Variants in NME9 observed in about 807,000 individuals in gnomAD.
NME9 encodes NME/NM23 family member 9, also known as thioredoxin domain-containing protein 6.
Under a neutral mutation model 44.4 loss-of-function variants are expected in NME9, and 48 were observed. The observed-to-expected ratio is 1.08, with a 90% confidence interval of 0.86 to 1.37. The LOEUF (loss-of-function observed/expected upper bound fraction) is 1.37. Ranked by LOEUF, NME9 falls within the 40% of genes most tolerant of loss-of-function variation. The probability of loss-of-function intolerance (pLI) is 0.00; values close to 1 mark genes in which losing one functional copy is unlikely to be tolerated. For synonymous variants in NME9, 139 were observed against 147.1 expected (o/e 0.94, Z 0.40); for missense variants, 325 against 405.2 (o/e 0.80, Z 1.70).
At chr3:138,315,289 C>T (rs1044401145) in intron 5 of NME9, among the ~76,000 whole-genome samples, 19 of 151,900 alleles carry the variant, frequency 1.3e-4, no homozygotes, top group African/African-American at 2.7e-4. Context: ...AGGTGGGAGA[C>T]GAAAGGGAAA....
chr3:138,269,073 A>C (rs1052274477), intron 8 of NME9, among the ~76,000 whole-genome samples: 3 of 152,230 alleles, frequency 2.0e-5, no homozygotes, highest in Non-Finnish European at 4.4e-5. Context: ...TTAGGTACAT[A>C]GTACGAGAGA....
chr3:138,273,775 GTC>G, intron 8 of NME9, among the ~76,000 whole-genome samples: 1 of 151,452 alleles, frequency 6.6e-6, no homozygotes, highest in Middle Eastern at 3.4e-3. Flanking sequence ...TGTTTTCCAT[GTC>G]TCTGGCTTCC....
chr3:138,263,363 T>G, intron 8 of NME9: 1 of 208,162 alleles, frequency 4.8e-6, no homozygotes. Flanking sequence ...GCATGGACTG[T>G]GATTTCTTTA....
rs2053987797 is a variant in NME9 at position 138,329,382 on chromosome 3, T to TC, written c.-48dup. ...CCCTGTTACCGCGGCCGTGGGCCGT[T>TC]CCCCCGCAGCCTCGCGACAAACCGC... On this transcript the variant is annotated 5_prime_UTR_variant, in exon 1 of 11. Coordinates refer to ENST00000333911, the MANE Select transcript of NME9 (RefSeq NM_001349018.2). 6.5e-7 allele frequency: 1 copy of TC among 1,535,404 alleles called. No individual in the cohort carries two copies. Among genetic ancestry groups the TC allele is most frequent in the African/African-American group, 1.4e-5 (1 of 72,994 alleles).
Position 138,329,608 on chromosome 3 carries a change from C to T in NME9, c.-273G>A, listed in dbSNP as rs2054000528. ...GGGGATCTGCGAAGCCCCCTCCCCA[C>T]CCCGGAGCCGGCCAGGGGGCGCGCG... On this transcript the variant is annotated 5_prime_UTR_variant, in exon 1 of 11. In the 5' UTR this introduces an upstream ATG that the reference lacks. Transcript: ENST00000333911. 59 of 1,310,722 alleles carry T rather than the reference C, an allele frequency of 4.5e-5. No homozygotes were observed. The highest frequency in any genetic ancestry group is 5.4e-5 in the Non-Finnish European group (56 of 1,031,712). 81.2% of individuals were successfully genotyped at this position (1,310,722 alleles called of 1,614,324 possible).
chr3:138,271,391 C>T (rs184230982), intron 8 of NME9, among the ~76,000 whole-genome samples: 1 of 152,282 alleles, frequency 6.6e-6, no homozygotes, highest in Admixed American at 6.5e-5. Context: ...GTTTCAACTT[C>T]CCCTAATAGG....
chr3:138,307,499 C>T (rs2052360403), intron 6 of NME9, among the ~76,000 whole-genome samples: 3 of 152,192 alleles, frequency 2.0e-5, no homozygotes, highest in African/African-American at 7.2e-5. Context: ...TTAACGAGGG[C>T]TTCTACTCTG....
chr3:138,275,210 G>C (rs757065273), intron 8 of NME9, among the ~76,000 whole-genome samples: 1 of 152,158 alleles, frequency 6.6e-6, no homozygotes, highest in Non-Finnish European at 1.5e-5. Context: ...AGATACTGGC[G>C]ATCTTCAGTT....
At position 138,304,759 on chromosome 3, in the gene NME9, C is replaced by T. The variant is rs539437404; in HGVS notation, c.791+114G>A. 3.3e-5 allele frequency: 33 copies of T among 1,006,802 alleles called. No homozygotes were observed. The East Asian group carries it at 7.2e-4, about 22-fold the overall frequency. 62.4% of individuals were successfully genotyped at this position (1,006,802 alleles called of 1,614,324 possible). On this transcript the variant is annotated intron_variant, in intron 9 of 10. Coordinates refer to ENST00000333911, the MANE Select transcript of NME9 (RefSeq NM_001349018.2). ...CCCAAATATATAATAGAGAGCCTGG[C>T]CATCAGAGAGTCCTCTGTGTTACCC...
At chr3:138,323,412 A>C (rs1242371335) in intron 2 of NME9, among the ~76,000 whole-genome samples, 1 of 152,022 alleles carries the variant, frequency 6.6e-6, no homozygotes, top group African/African-American at 2.4e-5. Context: ...TCTCAAAAAA[A>C]AGAAGAAGAA....
At chr3:138,262,068 T>C (rs1199923527) in exon 9 of NME9, 1 of 153,198 alleles carries the variant, frequency 6.5e-6, no homozygotes, top group East Asian at 1.9e-4. Context: ...GTTTGGTGGT[T>C]TTTCTAGAGC....
At chr3:138,318,288 A>T in intron 3 of NME9, 69 bp from the exon 4 acceptor site, 1 of 1,014,726 alleles carries the variant, frequency 9.9e-7, no homozygotes, top group Middle Eastern at 2.0e-4. Context: ...TTGGTGGGAA[A>T]CCACACAGGG....
intron 8 of NME9, among the ~76,000 whole-genome samples, chr3:138,267,506 A>G (rs1241846030): frequency 6.6e-6 from 1 of 152,238 alleles, no homozygotes; most frequent in African/African-American, 2.4e-5. Context: ...ACTGCCTGAA[A>G]CTGTGAATGT....
chr3:138,321,201 A>G (rs2053442447), intron 2 of NME9, among the ~76,000 whole-genome samples: 1 of 152,258 alleles, frequency 6.6e-6, no homozygotes, highest in African/African-American at 2.4e-5. Context: ...AGTATAGCTT[A>G]GTCCATTTAT....
intron 8 of NME9, among the ~76,000 whole-genome samples, chr3:138,266,965 C>T (rs78741481): frequency 3.3e-5 from 5 of 152,114 alleles, no homozygotes; most frequent in African/African-American, 7.2e-5. Context: ...GATTTGAGGG[C>T]GTTAGTCCGT....
intron 8 of NME9, among the ~76,000 whole-genome samples, chr3:138,294,325 G>A (rs1489970533): frequency 1.3e-5 from 2 of 152,164 alleles, no homozygotes; most frequent in African/African-American, 2.4e-5. Flanking sequence ...GGGTTGCAGG[G>A]TCCCAGAGCT....
Position 138,306,450 on chromosome 3 carries a change from A to G in NME9, c.491T>C (p.Ile164Thr). ...VSSERTCTLA[I>T]IKPDAVAHGK... ...ATGGGCCACTGCATCTGGTTTAATG[A>G]TGGCCAAGGTACAGGTCCTCTCTGA... Residue 164 changes from isoleucine (I) to threonine (T), a missense_variant, in exon 7 of 11, where the codon ATC becomes ACC. Transcript: ENST00000333911. The G allele has an allele frequency of 6.2e-7, 1 of 1,613,392 alleles. No individual in the cohort carries two copies. The highest frequency in any genetic ancestry group is 8.5e-7 in the Non-Finnish European group (1 of 1,179,534).
At chr3:138,319,725 A>G (rs1351963728) in intron 2 of NME9, 144 bp from the exon 3 acceptor site, 2 of 610,456 alleles carry the variant, frequency 3.3e-6, no homozygotes, top group Non-Finnish European at 5.9e-6. Context: ...TTACTATCCC[A>G]TGAGATTATA....
At chr3:138,321,324 C>T (rs1398206163) in intron 2 of NME9, among the ~76,000 whole-genome samples, 1 of 152,218 alleles carries the variant, frequency 6.6e-6, no homozygotes, top group Non-Finnish European at 1.5e-5. Context: ...GTTTGGTGGT[C>T]AGGTAAGGGC....
Sources: gnomAD v4.1 joint callset for allele counts (sites outside exome capture counted in the v4.1 genomes callset) on GRCh38, gnomAD v4.1.1 for gene constraint, MANE v1.5 for transcripts, NCBI Gene and HGNC (gene_info 2026-07-23, HGNC 2026-07-21) for gene names.